KRT71: variants seen among roughly 807,000 people sequenced by gnomAD.
The protein encoded by KRT71 is keratin 71.
Under a neutral mutation model 46.2 loss-of-function variants are expected in KRT71, and 42 were observed. The ratio of observed to expected loss-of-function variants is 0.91; its 90% CI spans 0.71 to 1.18. The LOEUF (loss-of-function observed/expected upper bound fraction) is 1.18, where lower values mean the gene tolerates loss of function less well. Ranked by LOEUF, KRT71 falls within the 50% of genes most tolerant of loss-of-function variation. KRT71 has a pLI of 0.00. For missense variants in KRT71, 708 were observed against 677.9 expected (o/e 1.04, Z -0.49); for synonymous variants, 292 against 277.8 (o/e 1.05, Z -0.51).
At position 52,552,626 on chromosome 12, in the gene KRT71, A is replaced by G. The variant is rs913456927; in HGVS notation, c.441+11T>C. 1.2e-6 allele frequency: 2 copies of G among 1,604,220 alleles called. No individual in the cohort carries two copies. The highest frequency in any genetic ancestry group is 2.2e-5 in the East Asian group (1 of 44,832). On this transcript the variant is annotated intron_variant, in intron 1 of 8. Coordinates refer to ENST00000267119, the MANE Select transcript of KRT71 (RefSeq NM_033448.3). ...GCTGTTCACAAGTTCCCCAGGCCCT[A>G]GAAGACCCACCTTGTCGATGAAGGA... is the stretch of plus-strand genomic sequence containing the variant.
chr12:52,550,145 G>T lies in KRT71; in HGVS notation c.540C>A (p.Ile180=), dbSNP rs1198921378. 1 of 1,614,182 alleles carries T rather than the reference G, an allele frequency of 6.2e-7. No individual in the cohort carries two copies. Among genetic ancestry groups the T allele is most frequent in the African/African-American group, 1.3e-5 (1 of 75,052 alleles). The change falls in exon 2 of 9, where the codon ATC becomes ATA. Residue 180 remains isoleucine, a synonymous_variant. Transcript: ENST00000267119. ...GCAGGTTGCTGATGTAGCCCTCGAG[G>T]ATGGGCTCCAGGTTGTTCTTGCAGT... ...LNNCKNNLEP[I]LEGYISNLRK...
chr12:52,545,645 G>T (rs765715067), intron 7 of KRT71, 46 bp from the exon 8 acceptor site: 2 of 1,252,400 alleles, frequency 1.6e-6, no homozygotes, highest in South Asian at 1.3e-5. Context: ...AAGTCATCCA[G>T]CTCAGTCTCT....
At chr12:52,546,921 G>A (rs1386079400) in intron 6 of KRT71, among the ~76,000 whole-genome samples, 3 of 152,200 alleles carry the variant, frequency 2.0e-5, no homozygotes, top group Non-Finnish European at 4.4e-5. Context: ...GGGGGACAGG[G>A]AAGGACACAC....
At position 52,544,212 on chromosome 12, in the gene KRT71, A is replaced by G; in HGVS notation, c.*320T>C. ...TGGGCAGAGACCCAGGGAGCCCAGC[A>G]GAGTAGTTAGCGACTGCGCTAGAGG... is the stretch of plus-strand genomic sequence containing the variant. On this transcript the variant is annotated 3_prime_UTR_variant, in exon 9 of 9. Transcript: ENST00000267119. 1 of 415,762 alleles carries G rather than the reference A, an allele frequency of 2.4e-6. No individual in the cohort carries two copies. The highest frequency in any genetic ancestry group is 2.6e-5 in the South Asian group (1 of 38,486). 25.8% of individuals were successfully genotyped at this position (415,762 alleles called of 1,614,324 possible). A position where few individuals can be genotyped will look rare whatever the true frequency, so the allele number is the denominator to read the frequency against.
intron 1 of KRT71, among the ~76,000 whole-genome samples, chr12:52,551,095 T>C (rs1165494800): frequency 2.6e-5 from 4 of 152,234 alleles, no homozygotes; most frequent in Non-Finnish European, 5.9e-5. Context: ...CAATCCTGAA[T>C]TTTTCATGTG....
chr12:52,551,167 C>A (rs1231061024), intron 1 of KRT71, among the ~76,000 whole-genome samples: 1 of 152,220 alleles, frequency 6.6e-6, no homozygotes, highest in Non-Finnish European at 1.5e-5. Context: ...ACAATACACA[C>A]CTGCACTACT....
chr12:52,548,649 A>G lies in KRT71; in HGVS notation c.813+52T>C, dbSNP rs374264739. 2.2e-5 allele frequency: 33 copies of G among 1,503,548 alleles called. No individual in the cohort carries two copies. The African/African-American group carries it at 4.4e-4, about 20-fold the overall frequency. 93.1% of individuals were successfully genotyped at this position (1,503,548 alleles called of 1,614,324 possible). Reference sequence around the variant, plus strand: ...ATGTCTCCTGCAGCCCCTAGAATAGAGTTTAACCCACCAGCCTCCCCTAGA... The same window carrying G: ...ATGTCTCCTGCAGCCCCTAGAATAGGGTTTAACCCACCAGCCTCCCCTAGA... On this transcript the variant is annotated intron_variant, in intron 4 of 8. Coordinates refer to ENST00000267119, the MANE Select transcript of KRT71 (RefSeq NM_033448.3).
At chr12:52,552,504 G>A (rs1211118568) in intron 1 of KRT71, 133 bp downstream of exon 1, 16 of 900,224 alleles carry the variant, frequency 1.8e-5, no homozygotes, top group Non-Finnish European at 2.5e-5. Context: ...CTGTTGATGG[G>A]ATGTACCTAC....
chr12:52,549,081 G>A (rs975926988), intron 3 of KRT71, among the ~76,000 whole-genome samples: 1 of 152,204 alleles, frequency 6.6e-6, no homozygotes, highest in African/African-American at 2.4e-5. Context: ...AACCACAGCT[G>A]CATTGGACAT....
chr12:52,548,253 G>C lies in KRT71; in HGVS notation c.877C>G (p.Arg293Gly). The stretch of plus-strand genomic sequence containing the variant: ...ATGATGCTGTCCAGGTCTAGGTTCC[G>C]GTTGTTGTCCATGGACAGGATGACA... The part of the protein sequence containing the change: ...MSVILSMDNN[R>G]NLDLDSIIDE... The change falls in exon 5 of 9, where the codon CGG (arginine) becomes GGG (glycine). Residue 293 changes from arginine (R) to glycine (G), a missense_variant. Transcript: ENST00000267119. 2.5e-6 allele frequency: 4 copies of C among 1,614,166 alleles called. No homozygotes were observed. Among genetic ancestry groups the C allele is most frequent in the Non-Finnish European group, 3.4e-6 (4 of 1,179,998 alleles).
In KRT71 at chr12:52,552,943, G is replaced by A; in HGVS notation, c.135C>T (p.Ser45=). 1.2e-6 allele frequency: 2 copies of A among 1,614,146 alleles called. No individual in the cohort carries two copies. Among genetic ancestry groups the A allele is most frequent in the Non-Finnish European group, 1.7e-6 (2 of 1,180,044 alleles). Residue 45 remains serine, a synonymous_variant, in exon 1 of 9, where the codon AGC becomes AGT. Transcript: ENST00000267119. ...CACCCCCCAGGCTGTAGAGGCTCCG[G>A]CTGCCAAAGCCCCCACTGAGCCCTT... ...GSKGLSGGFG[S]RSLYSLGGVR...
rs1939025805 is a variant in KRT71 at position 52,544,621 on chromosome 12, C to T, written c.1483G>A (p.Gly495Ser). Residue 495 changes from glycine to serine, a missense_variant, in exon 9 of 9, where the codon GGC becomes AGC. Gly to Ser is a moderately conservative substitution (Grantham distance 56, BLOSUM62 0). Transcript: ENST00000267119. ...TCGTTGGCACTGCCCCGGCTCCTGC[C>T]CTCCCCGCCTCTCACGCTGCACACT... ...SGVCSVRGGE[G>S]RSRGSANDYK... is the part of the protein sequence containing the mutation. 5 of 1,613,974 alleles carry T rather than the reference C, an allele frequency of 3.1e-6. No individual in the cohort carries two copies. The highest frequency in any genetic ancestry group is 4.2e-6 in the Non-Finnish European group (5 of 1,180,028).
In KRT71 at chr12:52,552,905, T is replaced by A. The variant is rs148505146; in HGVS notation, c.173A>T (p.Asn58Ile). The change falls in exon 1 of 9, where the codon AAT becomes ATT. Residue 58 changes from asparagine (N) to isoleucine (I), a missense_variant. Transcript: ENST00000267119. ...LYSLGGVRSL[N>I]VASGSGKSGG... ...ACTCTTCCCGCTGCCACTGGCCACA[T>A]TGAGGCTCCGGACACCCCCCAGGCT... is the stretch of plus-strand genomic sequence containing the variant. 6.2e-7 allele frequency: 1 copy of A among 1,614,138 alleles called. No homozygotes were observed. Among genetic ancestry groups the A allele is most frequent in the East Asian group, 2.2e-5 (1 of 44,858 alleles).
At chr12:52,547,787 C>A in intron 6 of KRT71, 70 bp downstream of exon 6, 1 of 1,570,152 alleles carries the variant, frequency 6.4e-7, no homozygotes, top group Non-Finnish European at 8.7e-7. Context: ...CCCATGTTCT[C>A]AGCAGCTCAT....
At position 52,550,037 on chromosome 12, in the gene KRT71, G is replaced by A; in HGVS notation, c.648C>T (p.Tyr216=). 1 of 1,614,096 alleles carries A rather than the reference G, an allele frequency of 6.2e-7. No homozygotes were observed. Among genetic ancestry groups the A allele is most frequent in the South Asian group, 1.1e-5 (1 of 91,072 alleles). Reference sequence around the variant, plus strand: ...GGACTCCTCCTGCTCACCTCTTCTTGTAGTCCTCCACTACGTCCCGCACAT... The same window carrying A: ...GGACTCCTCCTGCTCACCTCTTCTTATAGTCCTCCACTACGTCCCGCACAT... The part of the protein sequence containing the change: ...LRNVRDVVED[Y]KKRYEEEINK... The change falls in exon 2 of 9, where the codon TAC becomes TAT. Residue 216 remains tyrosine, a synonymous_variant. Transcript: ENST00000267119.
Position 52,544,605 on chromosome 12 carries a change from C to CT in KRT71, c.1498dup (p.Ser500LysfsTer162), listed in dbSNP as rs1939024806. 3.1e-6 allele frequency: 5 copies of CT among 1,614,064 alleles called. No individual in the cohort carries two copies. Among genetic ancestry groups the CT allele is most frequent in the Non-Finnish European group, 4.2e-6 (5 of 1,180,006 alleles). On this transcript the variant is annotated frameshift_variant, in exon 9 of 9. Transcript: ENST00000267119. LOFTEE classifies it high-confidence loss of function. ...TAGGGTGTCTTTGTAATCGTTGGCA[C>CT]TGCCCCGGCTCCTGCCCTCCCCGCC...
chr12:52,549,436 G>A (rs1054033064), intron 2 of KRT71, 83 bp from the exon 3 acceptor site: 48 of 1,148,520 alleles, frequency 4.2e-5, no homozygotes, highest in South Asian at 2.3e-4. Flanking sequence ...AAGGAGCAGC[G>A]TGTCCATCAG....
At position 52,550,213 on chromosome 12, in the gene KRT71, G is replaced by A; in HGVS notation, c.472C>T (p.Leu158=). The A allele has an allele frequency of 6.2e-7, 1 of 1,614,188 alleles. No homozygotes were observed. Among genetic ancestry groups the A allele is most frequent in the Non-Finnish European group, 8.5e-7 (1 of 1,180,032 alleles). The change falls in exon 2 of 9, where the codon CTG becomes TTG. Residue 158 remains leucine, a synonymous_variant. Transcript: ENST00000267119. ...VRFLEQQNQV[L]ETKWELLQQL... The stretch of plus-strand genomic sequence containing the variant: ...TGCAGCAGCTCCCACTTGGTCTCCA[G>A]TACCTGGTTCTGCTGCTCCAGGAAC...
At chr12:52,548,831 G>GGTAC in intron 3 of KRT71, 35 bp from the exon 4 acceptor site, 1 of 1,591,744 alleles carries the variant, frequency 6.3e-7, no homozygotes, top group Non-Finnish European at 8.6e-7. Context: ...TGTCACTGCT[G>GGTAC]GTACAGCCAA....
Sources: allele counts gnomAD v4.1 joint callset (sites outside exome capture counted in the v4.1 genomes callset), GRCh38; gene constraint gnomAD v4.1.1; transcripts MANE v1.5; gene names NCBI Gene and HGNC (gene_info 2026-07-23, HGNC 2026-07-21).